Variants in STEEP1 observed in about 807,000 individuals in gnomAD.
STEEP1 encodes STING1 ER exit protein 1, also known as STING ER exit protein.
In STEEP1, 3 loss-of-function variants were observed where a neutral mutation model predicts 19.2. The ratio of observed to expected loss-of-function variants is 0.16; its 90% CI spans 0.07 to 0.40. The LOEUF (loss-of-function observed/expected upper bound fraction) is 0.40, where lower values mean the gene tolerates loss of function less well. Among genes scored for constraint, STEEP1 ranks in the 10% least tolerant of loss-of-function variants. The pLI is 0.99. For missense variants in STEEP1, 54 were observed against 177.1 expected (o/e 0.30, Z 3.94); for synonymous variants, 46 against 63.7 (o/e 0.72, Z 1.32).
rs775515269 is a variant in STEEP1 at position 119,565,406 on chromosome X, A to C, written c.-51T>G. On this transcript the variant is annotated 5_prime_UTR_variant, in exon 1 of 7. Transcript: ENST00000644802. ...CTACGCCAAGAAGAGGGTCGCCCCG[A>C]AATGACGTCACGAGTGCGCCTTGCA... 30 of 1,009,353 alleles carry C rather than the reference A, an allele frequency of 3.0e-5. No homozygotes were observed. Among genetic ancestry groups the C allele is most frequent in the Non-Finnish European group, 4.1e-5 (30 of 724,323 alleles). 83.2% of individuals were successfully genotyped at this position (1,009,353 alleles called of 1,213,427 possible). A position where few individuals can be genotyped will look rare whatever the true frequency, so the allele number is the denominator to read the frequency against.
chrX:119,563,878 G>GT (rs998200434), intron 1 of STEEP1, among the ~76,000 whole-genome samples: 1 of 112,001 alleles, frequency 8.9e-6, no homozygotes, highest in African/African-American at 3.2e-5. Context: ...ATGAATAGTT[G>GT]TACTACTGAC....
At position 119,542,997 on chromosome X, in the gene STEEP1, CAAAAAAAAAAAAAAA is replaced by C. The variant is rs60574433; in HGVS notation, c.424-418_424-404del. Among the ~76,000 whole-genome samples, 20 of 47,900 alleles carry C rather than the reference CAAAAAAAAAAAAAAA, an allele frequency of 4.2e-4. No homozygotes were observed. The East Asian group carries it at 0.011, about 27-fold the overall frequency. The allele number at this position is 47,900 out of a possible 115,157, so 41.6% of individuals were successfully genotyped here. A position where few individuals can be genotyped will look rare whatever the true frequency, so the allele number is the denominator to read the frequency against. On this transcript the variant is annotated intron_variant, in intron 4 of 6. Coordinates refer to ENST00000644802, the MANE Select transcript of STEEP1 (RefSeq NM_022101.4). ...ACATTTTTGTAGAGACTGGGTCTCG[CAAAAAAAAAAAAAAA>C]AAAAAAAAAAAAAGAAGGACAGAAG...
intron 2 of STEEP1, among the ~76,000 whole-genome samples, chrX:119,548,580 G>T (rs1361166205): frequency 9.2e-6 from 1 of 108,665 alleles, no homozygotes; most frequent in Admixed American, 9.8e-5. Context: ...TGTTAGGGAG[G>T]ATGTGGAGAA....
At chrX:119,550,023 T>C (rs1488417266) in intron 2 of STEEP1, among the ~76,000 whole-genome samples, 5 of 112,525 alleles carry the variant, frequency 4.4e-5, no homozygotes, top group Non-Finnish European at 7.5e-5. Context: ...GCAAGAAATG[T>C]CCACTGAAAA....
At chrX:119,564,505 G>A (rs190925638) in intron 1 of STEEP1, among the ~76,000 whole-genome samples, 1 of 96,810 alleles carries the variant, frequency 1.0e-5, no homozygotes, top group African/African-American at 3.9e-5. Flanking sequence ...GAAAAAAAAG[G>A]GGGGGGGGAA....
At chrX:119,564,505 G>GT (rs1435635530) in intron 1 of STEEP1, among the ~76,000 whole-genome samples, 1 of 96,810 alleles carries the variant, frequency 1.0e-5, no homozygotes, top group Non-Finnish European at 2.0e-5. Context: ...GAAAAAAAAG[G>GT]GGGGGGGGAA....
chrX:119,559,426 T>C lies in STEEP1; in HGVS notation c.242+842A>G, dbSNP rs754789667. On this transcript the variant is annotated intron_variant, in intron 2 of 6. Coordinates refer to ENST00000644802, the MANE Select transcript of STEEP1 (RefSeq NM_022101.4). ...TCCATATTCCTTCCACCTGGAATGCTCTTCATTCCCTTCATCTACTTGGTG... is the reference window on the plus strand; with the variant it reads ...TCCATATTCCTTCCACCTGGAATGCCCTTCATTCCCTTCATCTACTTGGTG... Among the ~76,000 whole-genome samples, 61 of 111,261 alleles carry C rather than the reference T, an allele frequency of 5.5e-4. 1 individual carries two copies. The highest frequency in any genetic ancestry group is 1.1e-3 in the Non-Finnish European group (56 of 53,124).
chrX:119,545,487 C>G lies in STEEP1; in HGVS notation c.260G>C (p.Arg87Pro). ...MYLRRPEGIE[R>P]QYRKKCAKCG... ...CTTTGCACATTTCTTCCTGTACTGT[C>G]GTTCAATGCCTTCAGGTCTGCACAG... The change falls in exon 3 of 7, where the codon CGA becomes CCA. Residue 87 changes from arginine to proline, a missense_variant. Coordinates refer to ENST00000644802, the MANE Select transcript of STEEP1 (RefSeq NM_022101.4). 1 of 1,182,901 alleles carries G rather than the reference C, an allele frequency of 8.5e-7. No individual in the cohort carries two copies. The highest frequency in any genetic ancestry group is 1.1e-6 in the Non-Finnish European group (1 of 870,134).
intron 2 of STEEP1, among the ~76,000 whole-genome samples, chrX:119,547,118 T>C (rs1171602322): frequency 8.9e-6 from 1 of 112,014 alleles, no homozygotes; most frequent in Non-Finnish European, 1.9e-5. Flanking sequence ...AGAAAATATT[T>C]TTTTCCTTTT....
At chrX:119,562,365 C>G (rs1305144693) in intron 1 of STEEP1, among the ~76,000 whole-genome samples, 1 of 111,290 alleles carries the variant, frequency 9.0e-6, no homozygotes, top group African/African-American at 3.3e-5. Context: ...AACCCTGTCT[C>G]TACTAAAAAA....
At position 119,538,848 on chromosome X, in the gene STEEP1, T is replaced by C. The variant is rs1256827406; in HGVS notation, c.*879A>G. The stretch of plus-strand genomic sequence containing the variant: ...TAAAGTCGATACGGGATGGCTCGCC[T>C]ACAGCTTCAGTGTTTGAAGTAAAGA... On this transcript the variant is annotated 3_prime_UTR_variant, in exon 7 of 7. Transcript: ENST00000644802. 8.9e-6 allele frequency: 1 copy of C among 111,832 alleles called. No homozygotes were observed. The highest frequency in any genetic ancestry group is 3.3e-5 in the African/African-American group (1 of 30,751). The allele number at this position is 111,832 out of a possible 1,213,427, so 9.2% of individuals were successfully genotyped here.
chrX:119,544,498 T>A lies in STEEP1; in HGVS notation c.285-7A>T, dbSNP rs749919862. 8.3e-7 allele frequency: 1 copy of A among 1,203,955 alleles called. No homozygotes were observed. The highest frequency in any genetic ancestry group is 1.1e-6 in the Non-Finnish European group (1 of 891,725). On this transcript the variant is annotated splice_polypyrimidine_tract_variant and splice_region_variant and intron_variant, in intron 3 of 6. Coordinates refer to ENST00000644802, the MANE Select transcript of STEEP1 (RefSeq NM_022101.4). ...GAAGAGCGGCAGTCCACACCTGCAA[T>A]GACACAGTGAATTTCTGCGAGGTCT...
intron 1 of STEEP1, among the ~76,000 whole-genome samples, chrX:119,561,490 G>A (rs901493161): frequency 2.7e-5 from 3 of 109,611 alleles, no homozygotes; most frequent in Non-Finnish European, 3.8e-5. Context: ...AACATATAGC[G>A]AAACCGTCTC....
intron 2 of STEEP1, among the ~76,000 whole-genome samples, chrX:119,555,992 G>A (rs12859249): frequency 0.12 from 13,352 of 111,556 alleles, 1,256 homozygotes; most frequent in African/African-American, 0.32. Context: ...TGTAACATCA[G>A]GAGGAAGGCA....
intron 5 of STEEP1, among the ~76,000 whole-genome samples, chrX:119,541,818 C>CTG (rs757716882): frequency 3.7e-4 from 42 of 112,055 alleles, no homozygotes; most frequent in Middle Eastern, 4.6e-3. Flanking sequence ...GCTACTACTA[C>CTG]TGAGGACAGA....
intron 2 of STEEP1, among the ~76,000 whole-genome samples, chrX:119,550,953 A>C (rs1311203376): frequency 9.0e-6 from 1 of 111,165 alleles, no homozygotes; most frequent in Admixed American, 9.7e-5. Flanking sequence ...ATGAGCCACC[A>C]CGCCTGGCCA....
intron 1 of STEEP1, among the ~76,000 whole-genome samples, chrX:119,564,511 G>T (rs1295270001): frequency 1.0e-5 from 1 of 95,965 alleles, no homozygotes; most frequent in African/African-American, 3.7e-5. Flanking sequence ...AAAGGGGGGG[G>T]GGAAATACGA....
At chrX:119,546,408 T>C (rs1450925135) in intron 2 of STEEP1, among the ~76,000 whole-genome samples, 2 of 93,913 alleles carry the variant, frequency 2.1e-5, no homozygotes, top group African/African-American at 8.3e-5. Context: ...GCCACTGCAC[T>C]CCAGCCTGGG....
intron 2 of STEEP1, among the ~76,000 whole-genome samples, chrX:119,546,270 G>A (rs990458831): frequency 8.2e-5 from 9 of 109,156 alleles, no homozygotes; most frequent in Non-Finnish European, 1.3e-4. Flanking sequence ...GGGAAACTCC[G>A]TCTCTACTAA....
Sources: allele counts gnomAD v4.1 joint callset (sites outside exome capture counted in the v4.1 genomes callset), GRCh38; gene constraint gnomAD v4.1.1; transcripts MANE v1.5; gene names NCBI Gene and HGNC (gene_info 2026-07-23, HGNC 2026-07-21).